Variants in ESR1 observed in about 807,000 individuals in gnomAD.
ESR1 encodes the protein estrogen receptor.
ESR1 carries 12 observed loss-of-function variants against 52.7 expected under a neutral mutation model. That is an observed-to-expected ratio of 0.23 (90% CI 0.15 to 0.37). ESR1 has a LOEUF of 0.37. ESR1 is among the 10% of genes least tolerant of loss of function. The pLI, the probability that ESR1 is intolerant of heterozygous loss-of-function variation, is 1.00. For synonymous variants in ESR1, 305 were observed against 316.8 expected, an observed-to-expected ratio of 0.96 and a Z score of 0.39; for missense variants, 584 against 779.7, an observed-to-expected ratio of 0.75 and a Z score of 2.99.
rs554636747 is a variant in ESR1 at position 151,798,288 on chromosome 6, C to T, written c.-70-9555C>T. ...ATTGGATAGGGCTGGCTTGGAAAGCCCTCAGTGAAGAGATGAACTCGACAG... is the reference window on the plus strand; with the variant it reads ...ATTGGATAGGGCTGGCTTGGAAAGCTCTCAGTGAAGAGATGAACTCGACAG... On this transcript the variant is annotated intron_variant, in intron 2 of 2. Transcript: ENST00000404742. Among the ~76,000 whole-genome samples the T allele has an allele frequency of 7.9e-5, 12 of 152,118 alleles. No homozygotes were observed. The South Asian group carries it at 2.5e-3, about 32-fold the overall frequency.
intron 2 of ESR1, among the ~76,000 whole-genome samples, chr6:151,880,121 A>G (rs1469113620): frequency 6.6e-6 from 1 of 152,054 alleles, no homozygotes; most frequent in Non-Finnish European, 1.5e-5. Context: ...GACTTGCCCA[A>G]AGGACTCCTG....
chr6:151,707,115 A>G (rs1430592745), intron 2 of ESR1, among the ~76,000 whole-genome samples: 3 of 152,192 alleles, frequency 2.0e-5, no homozygotes, highest in Admixed American at 6.5e-5. Context: ...ATTGACTAGA[A>G]ATGCCAATGT....
intron 2 of ESR1, among the ~76,000 whole-genome samples, chr6:151,717,058 G>A (rs1781101107): frequency 6.6e-6 from 1 of 152,190 alleles, no homozygotes; most frequent in Non-Finnish European, 1.5e-5. Context: ...CTGGGCAGGA[G>A]TGCACCGTTC....
chr6:151,809,497 C>G (rs984529668), intron 1 of ESR1, among the ~76,000 whole-genome samples: 1 of 152,216 alleles, frequency 6.6e-6, no homozygotes, highest in Admixed American at 6.5e-5. Flanking sequence ...CGCCACATGG[C>G]TGGGTCCTGA....
chr6:152,121,490 GA>G (rs2051370098), intron 6 of ESR1, among the ~76,000 whole-genome samples: 2 of 151,944 alleles, frequency 1.3e-5, no homozygotes, highest in African/African-American at 4.8e-5. Context: ...GGAAGGAAGA[GA>G]AAAAAAGGAA....
At chr6:152,096,586 T>C in intron 7 of ESR1, 1 of 454,352 alleles carries the variant, frequency 2.2e-6, no homozygotes, top group Non-Finnish European at 4.4e-6. Context: ...AAATGGCTCA[T>C]GGCAGGCTTT....
intron 6 of ESR1, among the ~76,000 whole-genome samples, chr6:152,090,252 T>C (rs2050074038): frequency 1.3e-5 from 2 of 152,140 alleles, no homozygotes; most frequent in African/African-American, 4.8e-5. Context: ...AATCTCCTCC[T>C]TCTCCAAGCT....
intron 3 of ESR1, among the ~76,000 whole-genome samples, chr6:151,894,306 T>G (rs1795135597): frequency 6.6e-6 from 1 of 152,234 alleles, no homozygotes; most frequent in Non-Finnish European, 1.5e-5. Context: ...TAATCCTTTG[T>G]TAGATGTATA....
intron 5 of ESR1, among the ~76,000 whole-genome samples, chr6:152,048,361 CA>C (rs1180207041): frequency 0.22 from 13,568 of 62,308 alleles, 650 homozygotes; most frequent in South Asian, 0.34. Context: ...GACACCATCT[CA>C]AAAAAAAAAA....
upstream of ESR1, among the ~76,000 whole-genome samples, chr6:151,799,826 G>A (rs1050719598): frequency 1.3e-5 from 2 of 152,208 alleles, no homozygotes; most frequent in African/African-American, 4.8e-5. Flanking sequence ...GGGATGGGAG[G>A]AAGATTTCAG....
chr6:151,925,128 T>TTTTTGTTTGTTTGTTTG (rs1554285739), intron 3 of ESR1, among the ~76,000 whole-genome samples: 8 of 149,152 alleles, frequency 5.4e-5, no homozygotes, highest in African/African-American at 2.0e-4. Context: ...ATCTGGTTTT[T>TTTTTGTTTGTTTGTTTG]TTTGTTTGTT....
At chr6:151,737,655 C>G (rs1782777875) in intron 2 of ESR1, among the ~76,000 whole-genome samples, 1 of 152,110 alleles carries the variant, frequency 6.6e-6, no homozygotes, top group Non-Finnish European at 1.5e-5. Context: ...CAGTAACCCT[C>G]TCAGGAGGCG....
chr6:152,036,606 A>C (rs980791030), intron 5 of ESR1, among the ~76,000 whole-genome samples: 1 of 152,186 alleles, frequency 6.6e-6, no homozygotes, highest in Admixed American at 6.6e-5. Flanking sequence ...GTTTTCTGAA[A>C]TGTGGACTGA....
At chr6:151,950,461 A>C (rs2036209096) in intron 4 of ESR1, among the ~76,000 whole-genome samples, 1 of 152,218 alleles carries the variant, frequency 6.6e-6, no homozygotes, top group Non-Finnish European at 1.5e-5. Flanking sequence ...TTAAAGTCCT[A>C]ACCCCCAGTA....
chr6:152,084,877 C>G (rs2049568806), intron 6 of ESR1, among the ~76,000 whole-genome samples: 1 of 152,124 alleles, frequency 6.6e-6, no homozygotes. Context: ...GGGGATGATC[C>G]ATGTGTTTTG....
chr6:152,025,737 A>T (rs2044092278), intron 5 of ESR1, among the ~76,000 whole-genome samples: 1 of 151,946 alleles, frequency 6.6e-6, no homozygotes. Context: ...TCATTAAGTT[A>T]TGCCTTTAGC....
rs544083877 is a variant in ESR1, at chr6:152,043,264, C to A, written c.1236-17727C>A. On this transcript the variant is annotated intron_variant, in intron 5 of 7. Coordinates refer to ENST00000206249, the MANE Select transcript of ESR1 (RefSeq NM_000125.4). ...TAACCAAGCAAATAAACTATTAGAACCTTTTTTAACTCTCCAAGCTGCAAC... is the reference window on the plus strand; with the variant it reads ...TAACCAAGCAAATAAACTATTAGAAACTTTTTTAACTCTCCAAGCTGCAAC... Among the ~76,000 whole-genome samples the A allele has an allele frequency of 3.3e-4, 51 of 152,280 alleles. 1 individual carries two copies. The highest frequency in any genetic ancestry group is 1.2e-3 in the African/African-American group (48 of 41,556).
intron 6 of ESR1, among the ~76,000 whole-genome samples, chr6:152,113,695 C>G (rs1281582270): frequency 6.6e-6 from 1 of 152,294 alleles, no homozygotes; most frequent in East Asian, 1.9e-4. Context: ...GTGGGAAGAT[C>G]TGGTAATTCC....
In ESR1 at chr6:152,042,681, TA is replaced by T. The variant is rs2045908843; in HGVS notation, c.1236-18307del. Among the ~76,000 whole-genome samples the T allele has an allele frequency of 2.0e-5, 3 of 152,218 alleles. No individual in the cohort carries two copies. In the South Asian group the frequency reaches 6.2e-4, roughly 32 times the overall value. On this transcript the variant is annotated intron_variant, in intron 5 of 7. Coordinates refer to ENST00000206249, the MANE Select transcript of ESR1 (RefSeq NM_000125.4). ...GTGATTCTTTGTATAATTTTTAATT[TA>T]AATTAGTCTTTTGTCTACTTGACCT...
Sources: gnomAD v4.1 joint callset for allele counts (sites outside exome capture counted in the v4.1 genomes callset) on GRCh38, gnomAD v4.1.1 for gene constraint, MANE v1.5 for transcripts, NCBI Gene and HGNC (gene_info 2026-07-23, HGNC 2026-07-21) for gene names.